UNC13D: variants seen among roughly 807,000 people sequenced by gnomAD.
UNC13D encodes unc-13 homolog D.
A neutral mutation model predicts 151.7 loss-of-function variants in UNC13D; 115 were observed. The ratio of observed to expected loss-of-function variants is 0.76; its 90% confidence interval spans 0.65 to 0.88. UNC13D has a LOEUF of 0.88. UNC13D is among the 40% of genes least tolerant of loss of function. The probability of loss-of-function intolerance (pLI) is 0.00; values close to 1 mark genes in which losing one functional copy is unlikely to be tolerated. For synonymous variants in UNC13D, 588 were observed against 612.2 expected, an observed-to-expected ratio of 0.96 and a Z score of 0.58; for missense variants, 1,369 against 1,438.7, an observed-to-expected ratio of 0.95 and a Z score of 0.78.
rs770966593 is a variant in UNC13D, at chr17:75,834,490, C to T, written c.2133G>A (p.Val711=). ...CCAGCTGGGCGGGCAACTTGCCGATCACCAGCCGCAGCTGCTCCATGTCAT... is the reference window on the plus strand; with the variant it reads ...CCAGCTGGGCGGGCAACTTGCCGATTACCAGCCGCAGCTGCTCCATGTCAT... ...VVNDMEQLRL[V]IGKLPAQLAW... Residue 711 remains valine, a synonymous_variant, in exon 23 of 32, where the codon GTG becomes GTA. Coordinates refer to ENST00000207549, the MANE Select transcript of UNC13D (RefSeq NM_199242.3). 1.3e-6 allele frequency: 2 copies of T among 1,570,870 alleles called. No homozygotes were observed. The highest frequency in any genetic ancestry group is 1.9e-5 in the Admixed American group (1 of 53,384).
In UNC13D at chr17:75,840,739, C is replaced by T; in HGVS notation, c.683+23G>A. On this transcript the variant is annotated intron_variant, in intron 8 of 31. Transcript: ENST00000207549. The surrounding 1 kb of genome is among the most constrained non-coding windows in gnomAD (Gnocchi z 4.6). ...GGGCAAAAGGAGCCCCAACCCCTTC[C>T]CTGTGAGCCCTGCAACACGAACCTG... 6.2e-7 allele frequency: 1 copy of T among 1,613,840 alleles called. No homozygotes were observed. Among genetic ancestry groups the T allele is most frequent in the Non-Finnish European group, 8.5e-7 (1 of 1,180,018 alleles).
Position 75,843,607 on chromosome 17 carries a change from G to A in UNC13D, c.118-88C>T, listed in dbSNP as rs1433587836. The A allele has an allele frequency of 6.4e-6, 10 of 1,565,042 alleles. No homozygotes were observed. In the African/African-American group the frequency reaches 1.3e-4, roughly 21 times the overall value. On this transcript the variant is annotated intron_variant, in intron 1 of 31. Coordinates refer to ENST00000207549, the MANE Select transcript of UNC13D (RefSeq NM_199242.3). Reference sequence around the variant, plus strand: ...ATGGCTCCTCTGAGGCCTGATCCAGGCCAAGGGTATGGGGGCCCCAGCACC... The same window carrying A: ...ATGGCTCCTCTGAGGCCTGATCCAGACCAAGGGTATGGGGGCCCCAGCACC...
At chr17:75,829,550 C>CCCAA (rs2062146566) in intron 30 of UNC13D, 1 of 183,524 alleles carries the variant, frequency 5.4e-6, no homozygotes, top group Admixed American at 5.5e-5. Context: ...GCCTTGGCCT[C>CCCAA]CCAAAGTGCT....
Position 75,827,280 on chromosome 17 carries a change from G to C in UNC13D, c.*685C>G. 1 of 475,448 alleles carries C rather than the reference G, an allele frequency of 2.1e-6. No homozygotes were observed. The highest frequency in any genetic ancestry group is 3.5e-6 in the Non-Finnish European group (1 of 288,614). 29.5% of individuals were successfully genotyped at this position (475,448 alleles called of 1,614,324 possible). A position where few individuals can be genotyped will look rare whatever the true frequency, so the allele number is the denominator to read the frequency against. On this transcript the variant is annotated 3_prime_UTR_variant, in exon 32 of 32. Transcript: ENST00000207549. ...AATTTTTTTGCTAAGAAAGTTTCTA[G>C]GTGGCAGGTGCTGTCCGGGGAGGGG...
In UNC13D at chr17:75,840,643, C is replaced by G; in HGVS notation, c.684-67G>C. 2 of 1,611,340 alleles carry G rather than the reference C, an allele frequency of 1.2e-6. No individual in the cohort carries two copies. The highest frequency in any genetic ancestry group is 1.7e-6 in the Non-Finnish European group (2 of 1,177,874). On this transcript the variant is annotated intron_variant, in intron 8 of 31. Transcript: ENST00000207549. The surrounding 1 kb of genome is among the most constrained non-coding windows in gnomAD (Gnocchi z 4.6). ...CGGAAGGGATTAGGCTGGAATCCACCCCCGGCCGCAGCCACCTGGACCCCA... is the reference window on the plus strand; with the variant it reads ...CGGAAGGGATTAGGCTGGAATCCACGCCCGGCCGCAGCCACCTGGACCCCA...
In UNC13D at chr17:75,828,846, G is replaced by C. The variant is rs1336797167; in HGVS notation, c.3092C>G (p.Ser1031Cys). The C allele has an allele frequency of 6.3e-6, 10 of 1,583,496 alleles. No individual in the cohort carries two copies. In the Admixed American group the frequency reaches 7.3e-5, roughly 12 times the overall value. Residue 1031 changes from serine (S) to cysteine (C), a missense_variant, in exon 31 of 32, where the codon TCT (serine) becomes TGT (cysteine). This residue lies in a region of UNC13D where 807 missense variants were observed against 795.5 expected (regional missense o/e 1.01). Coordinates refer to ENST00000207549, the MANE Select transcript of UNC13D (RefSeq NM_199242.3). The stretch of plus-strand genomic sequence containing the variant: ...CTGAGGCACCTCACCAGGCTCCTCA[G>C]AGCCACTCAGCCCGGGCACCTCACG... ...PLREVPGLSG[S>C]EEPGEVPQTR...
rs980688660 is a variant in UNC13D, at chr17:75,827,837, G to A, written c.*128C>T. 6 of 1,510,810 alleles carry A rather than the reference G, an allele frequency of 4.0e-6. 1 individual carries two copies. Among genetic ancestry groups the A allele is most frequent in the South Asian group, 3.7e-5 (3 of 81,132 alleles). 93.6% of individuals were successfully genotyped at this position (1,510,810 alleles called of 1,614,324 possible). A position where few individuals can be genotyped will look rare whatever the true frequency, so the allele number is the denominator to read the frequency against. Reference sequence around the variant, plus strand: ...GGGAGGTCTGCACTCTGGGCACTCCGCATGCTGGGGCTCCCCAAGTGTTAG... The same window carrying A: ...GGGAGGTCTGCACTCTGGGCACTCCACATGCTGGGGCTCCCCAAGTGTTAG... On this transcript the variant is annotated 3_prime_UTR_variant, in exon 32 of 32. Transcript: ENST00000207549.
chr17:75,841,040 G>A, intron 6 of UNC13D, 39 bp from the exon 7 acceptor site: 2 of 1,613,580 alleles, frequency 1.2e-6, no homozygotes, highest in Non-Finnish European at 1.7e-6. Context: ...GCCCTGGAGG[G>A]TGGATGCCCC....
At position 75,827,713 on chromosome 17, in the gene UNC13D, C is replaced by T. The variant is rs1030352662; in HGVS notation, c.*252G>A. 6.6e-7 allele frequency: 1 copy of T among 1,516,514 alleles called. No homozygotes were observed. The highest frequency in any genetic ancestry group is 8.8e-7 in the Non-Finnish European group (1 of 1,134,104). 93.9% of individuals were successfully genotyped at this position (1,516,514 alleles called of 1,614,324 possible). ...CGGGCAGGGGCAGGGTTTGCTCCCC[C>T]TGGTGCTGGGATGTGGTAGAGACAT... is the stretch of plus-strand genomic sequence containing the variant. On this transcript the variant is annotated 3_prime_UTR_variant, in exon 32 of 32. Coordinates refer to ENST00000207549, the MANE Select transcript of UNC13D (RefSeq NM_199242.3).
intron 5 of UNC13D, 52 bp from the exon 6 acceptor site, chr17:75,842,665 G>C (rs1228615674): frequency 6.2e-7 from 1 of 1,608,140 alleles, no homozygotes; most frequent in Non-Finnish European, 8.5e-7. Flanking sequence ...TGGGTCCCTG[G>C]GAGAGGCCCT....
At chr17:75,839,402 G>A (rs918463345) in intron 12 of UNC13D, among the ~76,000 whole-genome samples, 16 of 99,322 alleles carry the variant, frequency 1.6e-4, no homozygotes, top group African/African-American at 2.8e-4. Context: ...GTGAAACTCC[G>A]TTTCAAAAAA....
At chr17:75,835,626 C>G in intron 19 of UNC13D, 21 bp downstream of exon 19, 1 of 1,613,106 alleles carries the variant, frequency 6.2e-7, no homozygotes, top group Non-Finnish European at 8.5e-7. Flanking sequence ...TGCAGCCGCC[C>G]ACAATTGGCC....
In UNC13D at chr17:75,831,224, C is replaced by T. The variant is rs1442961890; in HGVS notation, c.2553+19G>A. On this transcript the variant is annotated intron_variant, in intron 26 of 31. Coordinates refer to ENST00000207549, the MANE Select transcript of UNC13D (RefSeq NM_199242.3). Reference sequence around the variant, plus strand: ...CACCCTCCCACCAGGGTTATCATTGCTGTGACCGGTTCTGTTACCTGCAGG... The same window carrying T: ...CACCCTCCCACCAGGGTTATCATTGTTGTGACCGGTTCTGTTACCTGCAGG... The T allele has an allele frequency of 6.2e-7, 1 of 1,614,010 alleles. No individual in the cohort carries two copies. Among genetic ancestry groups the T allele is most frequent in the African/African-American group, 1.3e-5 (1 of 74,946 alleles).
rs532789134 is a variant in UNC13D at position 75,835,086 on chromosome 17, A to G, written c.1849-23T>C. ...CAGCTGGGGGAAGAAAGGAGGACTC[A>G]GGATACTGCCAAATCCACCCCCTTC... On this transcript the variant is annotated intron_variant, in intron 20 of 31. Transcript: ENST00000207549. 3.1e-6 allele frequency: 5 copies of G among 1,613,388 alleles called. No individual in the cohort carries two copies. In the Admixed American group the frequency reaches 5.0e-5, roughly 16 times the overall value.
In UNC13D at chr17:75,827,884, G is replaced by A. The variant is rs2062134420; in HGVS notation, c.*81C>T. 2 of 1,533,820 alleles carry A rather than the reference G, an allele frequency of 1.3e-6. No individual in the cohort carries two copies. Among genetic ancestry groups the A allele is most frequent in the Non-Finnish European group, 1.8e-6 (2 of 1,142,814 alleles). On this transcript the variant is annotated 3_prime_UTR_variant, in exon 32 of 32. Transcript: ENST00000207549. ...TTAGGCCAGGCTGGAGGGCCGCGAT[G>A]TGGCGGGGAAGCCCCAGACCCTACA...
rs549268277 is a variant in UNC13D at position 75,828,436 on chromosome 17, C to T, written c.3152-350G>A. Among the ~76,000 whole-genome samples, 379 of 152,348 alleles carry T rather than the reference C, an allele frequency of 2.5e-3. 6 individuals are homozygous for T. Among genetic ancestry groups the T allele is most frequent in the Non-Finnish European group, 3.8e-3 (256 of 68,032 alleles). On this transcript the variant is annotated intron_variant, in intron 31 of 31. Coordinates refer to ENST00000207549, the MANE Select transcript of UNC13D (RefSeq NM_199242.3). ...TGTAAAAGAGTGCTAATATCTGCTT[C>T]GTTGGCTGGAATGCATAAAGTGCTT...
At position 75,836,094 on chromosome 17, in the gene UNC13D, C is replaced by T. The variant is rs1165554374; in HGVS notation, c.1462G>A (p.Gly488Ser). ...TGTACCAGGCCCAGCAAGGCCTTGC[C>T]TGCCTCCGGGATGCCCTGCAGAGAC... ...QPMVQGIPEAGKALLGLVQDV... is the reference protein window; with the variant it reads ...QPMVQGIPEASKALLGLVQDV... Residue 488 changes from glycine to serine, a missense_variant, in exon 17 of 32, where the codon GGC becomes AGC. Gly to Ser is a moderately conservative substitution (Grantham distance 56, BLOSUM62 0). This residue lies in a region of UNC13D where 807 missense variants were observed against 795.5 expected (regional missense o/e 1.01). Transcript: ENST00000207549. 6.2e-7 allele frequency: 1 copy of T among 1,613,524 alleles called. No individual in the cohort carries two copies. Among genetic ancestry groups the T allele is most frequent in the Admixed American group, 1.7e-5 (1 of 60,032 alleles).
rs149131008 is a variant in UNC13D, at chr17:75,828,701, C to T, written c.3151+86G>A. ...TCCCGTCTCCAGGGAAGCTGTTCTC[C>T]GACCCTGGCATCACCTCTCTGGGGC... On this transcript the variant is annotated intron_variant, in intron 31 of 31. Transcript: ENST00000207549. 8.4e-4 allele frequency: 1,157 copies of T among 1,377,630 alleles called. 9 individuals carry two copies. In the African/African-American group the frequency reaches 0.014, roughly 16 times the overall value. 85.3% of individuals were successfully genotyped at this position (1,377,630 alleles called of 1,614,324 possible).
At position 75,832,898 on chromosome 17, in the gene UNC13D, A is replaced by G; in HGVS notation, c.2447+68T>C. 3.4e-6 allele frequency: 5 copies of G among 1,488,692 alleles called. No homozygotes were observed. Among genetic ancestry groups the G allele is most frequent in the Non-Finnish European group, 4.6e-6 (5 of 1,092,580 alleles). The allele number at this position is 1,488,692 out of a possible 1,614,324, so 92.2% of individuals were successfully genotyped here. On this transcript the variant is annotated intron_variant, in intron 25 of 31. Coordinates refer to ENST00000207549, the MANE Select transcript of UNC13D (RefSeq NM_199242.3). The surrounding 1 kb of genome is among the most constrained non-coding windows in gnomAD (Gnocchi z 4.3). ...CCCCTCAGAACGGATGCTGGGGCCC[A>G]GGAAGGAGGGGCCGTGGGAGGAGAG...
Sources: gnomAD v4.1 joint callset for allele counts (sites outside exome capture counted in the v4.1 genomes callset) on GRCh38, gnomAD v4.1.1 for gene constraint, gnomAD v4.1.1 regional missense constraint, Gnocchi (gnomAD v3.1) non-coding constraint, MANE v1.5 for transcripts, NCBI Gene and HGNC (gene_info 2026-07-23, HGNC 2026-07-21) for gene names.